The following PCSK6 variants were observed in gnomAD, a reference collection of about 807,000 sequenced individuals.
PCSK6 encodes paired basic amino acid cleaving enzyme 4.
A neutral mutation model predicts 123.3 loss-of-function variants in PCSK6; 85 were observed. The observed-to-expected ratio is 0.69, with a 90% CI of 0.58 to 0.83. The LOEUF (loss-of-function observed/expected upper bound fraction) is 0.83, where lower values mean the gene tolerates loss of function less well. PCSK6 is among the 40% of genes least tolerant of loss of function. PCSK6 has a pLI of 0.00. For missense variants in PCSK6, 1,191 were observed against 1,282.3 expected (o/e 0.93, Z 1.09); for synonymous variants, 508 against 516.0 (o/e 0.98, Z 0.21).
chr15:101,423,138 G>T (rs2056138579), intron 6 of PCSK6, among the ~76,000 whole-genome samples: 1 of 152,096 alleles, frequency 6.6e-6, no homozygotes, highest in Non-Finnish European at 1.5e-5. Context: ...TTACAAACAT[G>T]TTAAAGAGTC....
At chr15:101,363,350 A>G (rs1315424980) in intron 13 of PCSK6, among the ~76,000 whole-genome samples, 1 of 152,212 alleles carries the variant, frequency 6.6e-6, no homozygotes, top group African/African-American at 2.4e-5. Flanking sequence ...CCATGAGGAC[A>G]CAAGAGCAGT....
At chr15:101,332,107 G>C (rs1414515216) in intron 13 of PCSK6, 76 bp from the exon 14 acceptor site, 1 of 1,321,324 alleles carries the variant, frequency 7.6e-7, no homozygotes, top group African/African-American at 1.5e-5. Context: ...GCCAGATGCT[G>C]CCTGGCTCCT....
chr15:101,489,434 C>T lies in PCSK6; in HGVS notation c.237G>A (p.Leu79=). 7.9e-7 allele frequency: 1 copy of T among 1,271,570 alleles called. No individual in the cohort carries two copies. Among genetic ancestry groups the T allele is most frequent in the Non-Finnish European group, 1.0e-6 (1 of 995,408 alleles). The allele number at this position is 1,271,570 out of a possible 1,614,324, so 78.8% of individuals were successfully genotyped here. A position where few individuals can be genotyped will look rare whatever the true frequency, so the allele number is the denominator to read the frequency against. The change falls in exon 1 of 22, where the codon CTG becomes CTA. Residue 79 remains leucine, a synonymous_variant. Transcript: ENST00000611716. ...CGCGGTCCGCCTCGGCCGGGCCGCC[C>T]AGCACTTGCACCGCCCAGTGGTTGG... is the stretch of plus-strand genomic sequence containing the variant. ...VYTNHWAVQV[L]GGPAEADRVA... is the part of the protein sequence containing the mutation.
At chr15:101,477,746 CTT>C (rs780907145) in intron 1 of PCSK6, among the ~76,000 whole-genome samples, 19 of 152,370 alleles carry the variant, frequency 1.2e-4, no homozygotes, top group South Asian at 8.3e-4. Flanking sequence ...CCTCCAGCCT[CTT>C]CTCTCCTCTT....
intron 12 of PCSK6, 72 bp from the exon 13 acceptor site, chr15:101,366,404 G>C (rs749482457): frequency 1.3e-5 from 19 of 1,510,204 alleles, no homozygotes; most frequent in Admixed American, 9.3e-5. Context: ...GCTGGCACAA[G>C]CAGGGCTCTC....
intron 11 of PCSK6, among the ~76,000 whole-genome samples, chr15:101,375,001 G>A (rs1455106685): frequency 6.6e-6 from 1 of 150,406 alleles, no homozygotes; most frequent in Non-Finnish European, 1.5e-5. Flanking sequence ...TCCGCAGGCT[G>A]GAGTGCAGTG....
intron 6 of PCSK6, among the ~76,000 whole-genome samples, chr15:101,415,204 AAG>A (rs985730248): frequency 6.6e-6 from 1 of 152,254 alleles, no homozygotes; most frequent in African/African-American, 2.4e-5. Flanking sequence ...GACAAAAAGT[AAG>A]AAAGACTCCA....
At chr15:101,365,151 T>C (rs1369979923) in intron 13 of PCSK6, 2 of 539,320 alleles carry the variant, frequency 3.7e-6, no homozygotes, top group Admixed American at 2.6e-5. Context: ...TAATTCAAAA[T>C]GGATCAAAGT....
In PCSK6 at chr15:101,489,608, G is replaced by A. The variant is rs1392257514; in HGVS notation, c.63C>T (p.Thr21=). Residue 21 remains threonine, a synonymous_variant, in exon 1 of 22, where the codon ACC becomes ACT. Transcript: ENST00000611716. The part of the protein sequence containing the change: ...PRPPPRAAAA[T]DTAAGAGGAG... ...CGCCCCCCGCGCCCGCGGCGGTGTCGGTGGCGGCGGCGGCCCGGGGCGGCG... is the reference window on the plus strand; with the variant it reads ...CGCCCCCCGCGCCCGCGGCGGTGTCAGTGGCGGCGGCGGCCCGGGGCGGCG... 2 of 966,984 alleles carry A rather than the reference G, an allele frequency of 2.1e-6. No individual in the cohort carries two copies. The highest frequency in any genetic ancestry group is 1.8e-5 in the African/African-American group (1 of 55,768). The allele number at this position is 966,984 out of a possible 1,614,324, so 59.9% of individuals were successfully genotyped here.
intron 8 of PCSK6, among the ~76,000 whole-genome samples, 168 bp downstream of exon 8, chr15:101,393,044 G>T (rs2042279690): frequency 6.6e-6 from 1 of 152,174 alleles, no homozygotes; most frequent in African/African-American, 2.4e-5. Flanking sequence ...AAGGGACTGG[G>T]GTTTACCTCC....
chr15:101,321,279 A>G (rs1254374400), intron 18 of PCSK6, among the ~76,000 whole-genome samples: 1 of 152,200 alleles, frequency 6.6e-6, no homozygotes, highest in Non-Finnish European at 1.5e-5. Context: ...TTGTCCAGCC[A>G]ACAGGTTTAA....
At position 101,304,006 on chromosome 15, in the gene PCSK6, G is replaced by A. The variant is rs111381252; in HGVS notation, c.*1252C>T. On this transcript the variant is annotated 3_prime_UTR_variant, in exon 22 of 22. Transcript: ENST00000611716. Reference sequence around the variant, plus strand: ...CATTGATTTCTCTTTCAGAGTTGTAGATTCAATAAACAACATCTGGGTTCT... The same window carrying A: ...CATTGATTTCTCTTTCAGAGTTGTAAATTCAATAAACAACATCTGGGTTCT... The A allele has an allele frequency of 2.0e-5, 3 of 152,618 alleles. No homozygotes were observed. The highest frequency in any genetic ancestry group is 2.1e-4 in the South Asian group (1 of 4,820). The allele number at this position is 152,618 out of a possible 1,614,324, so 9.5% of individuals were successfully genotyped here. A position where few individuals can be genotyped will look rare whatever the true frequency, so the allele number is the denominator to read the frequency against.
chr15:101,459,583 A>G (rs1039085835), intron 1 of PCSK6, among the ~76,000 whole-genome samples: 2 of 71,012 alleles, frequency 2.8e-5, no homozygotes, highest in African/African-American at 8.3e-5. Context: ...CTGCACTATC[A>G]TTGGGCTCCC....
At chr15:101,487,737 A>T (rs1266426625) in intron 1 of PCSK6, among the ~76,000 whole-genome samples, 1 of 152,204 alleles carries the variant, frequency 6.6e-6, no homozygotes, top group Non-Finnish European at 1.5e-5. Context: ...AGCCAGGGGC[A>T]CTACGCAAAC....
intron 15 of PCSK6, among the ~76,000 whole-genome samples, chr15:101,328,479 G>C (rs1417976213): frequency 6.6e-6 from 1 of 152,146 alleles, no homozygotes; most frequent in Non-Finnish European, 1.5e-5. Context: ...AGGGTGGCTA[G>C]GAACAGGGAA....
chr15:101,318,419 A>C lies in PCSK6; in HGVS notation c.2469T>G (p.Leu823=). ...AGTCAGGAATGCAGCTGCCCCGTGC[A>C]AGGCTGTTGAAAAGAAAGAGGCAGA... ...KCTVCKEGFS[L]ARGSCIPDCE... is the part of the protein sequence containing the mutation. The change falls in exon 19 of 22, where the codon CTT becomes CTG. Residue 823 remains leucine (L), a synonymous_variant. Coordinates refer to ENST00000611716, the MANE Select transcript of PCSK6 (RefSeq NM_002570.5). The C allele has an allele frequency of 2.6e-6, 4 of 1,555,406 alleles. No homozygotes were observed. The highest frequency in any genetic ancestry group is 3.5e-6 in the Non-Finnish European group (4 of 1,149,190).
chr15:101,457,000 C>T (rs769156619), intron 1 of PCSK6, among the ~76,000 whole-genome samples: 8 of 151,990 alleles, frequency 5.3e-5, no homozygotes, highest in East Asian at 1.9e-4. Context: ...GGTGAAACCC[C>T]GTCTCTACCA....
chr15:101,340,684 A>G, intron 13 of PCSK6, among the ~76,000 whole-genome samples: 1 of 152,140 alleles, frequency 6.6e-6, no homozygotes, highest in East Asian at 1.9e-4. Flanking sequence ...GATGTTAGAC[A>G]TTGTCCAGTG....
In PCSK6 at chr15:101,326,492, A is replaced by T; in HGVS notation, c.2078-13T>A. ...GGATGGCACACACCTTAAAGAAACA[A>T]GCATTGCCTTTCATCCAGAGAGACG... On this transcript the variant is annotated splice_polypyrimidine_tract_variant and intron_variant, in intron 15 of 21. Coordinates refer to ENST00000611716, the MANE Select transcript of PCSK6 (RefSeq NM_002570.5). 6.4e-7 allele frequency: 1 copy of T among 1,564,200 alleles called. No homozygotes were observed. The highest frequency in any genetic ancestry group is 8.7e-7 in the Non-Finnish European group (1 of 1,153,096).
Sources: allele counts gnomAD v4.1 joint callset (sites outside exome capture counted in the v4.1 genomes callset), GRCh38; gene constraint gnomAD v4.1.1; transcripts MANE v1.5; gene names NCBI Gene and HGNC (gene_info 2026-07-23, HGNC 2026-07-21).